Variants in CFLAR observed in about 807,000 individuals in gnomAD.
CFLAR encodes the protein CASP8 and FADD-like apoptosis regulator.
Under a neutral mutation model 51.1 loss-of-function variants are expected in CFLAR, and 14 were observed. That is an observed-to-expected ratio of 0.27 (90% CI 0.18 to 0.43). CFLAR has a LOEUF of 0.43. Ranked by LOEUF, CFLAR falls within the 20% of genes least tolerant of loss-of-function variation. The pLI, the probability that CFLAR is intolerant of heterozygous loss-of-function variation, is 1.00. For synonymous variants in CFLAR, 210 were observed against 211.6 expected (o/e 0.99, Z 0.06); for missense variants, 390 against 566.5 (o/e 0.69, Z 3.16).
In CFLAR at chr2:201,171,883, G is replaced by A. The variant is rs978830782; in HGVS notation, c.*7910G>A. On this transcript the variant is annotated 3_prime_UTR_variant, in exon 10 of 10. Transcript: ENST00000309955. ...TTGGTTCTGGTGATTGTATATTTCT[G>A]GACCATCTGGAACCCCAGCATATCA... The A allele has an allele frequency of 1.3e-5, 2 of 151,998 alleles. No individual in the cohort carries two copies. Among genetic ancestry groups the A allele is most frequent in the Non-Finnish European group, 2.9e-5 (2 of 68,020 alleles). The allele number at this position is 151,998 out of a possible 1,614,324, so 9.4% of individuals were successfully genotyped here.
At position 201,138,835 on chromosome 2, in the gene CFLAR, C is replaced by T; in HGVS notation, c.524-1522C>T. The T allele has an allele frequency of 1.4e-6, 1 of 739,230 alleles. No homozygotes were observed. The highest frequency in any genetic ancestry group is 2.5e-6 in the Non-Finnish European group (1 of 400,030). The allele number at this position is 739,230 out of a possible 1,614,324, so 45.8% of individuals were successfully genotyped here. On this transcript the variant is annotated intron_variant, in intron 4 of 9. Coordinates refer to ENST00000309955, the MANE Select transcript of CFLAR (RefSeq NM_003879.7). The surrounding 1 kb of genome is among the most constrained non-coding windows in gnomAD (Gnocchi z 4.0). Reference sequence around the variant, plus strand: ...GCCATCACGATGGCCAGGTCGGCCTCTGTCACAGTGTCCATGGGGGAGGAG... The same window carrying T: ...GCCATCACGATGGCCAGGTCGGCCTTTGTCACAGTGTCCATGGGGGAGGAG...
At chr2:201,149,393 G>T (rs1234933390) in intron 7 of CFLAR, 2 of 295,072 alleles carry the variant, frequency 6.8e-6, no homozygotes, top group Non-Finnish European at 1.3e-5. Flanking sequence ...AGAAGCAATA[G>T]AAGGGCTCCC....
rs771201426 is a variant in CFLAR, at chr2:201,173,396, ACAGGGTTT to A, written c.*9426_*9433del. ...CTAATTTTTTGTATTTTTAGTAGAG[ACAGGGTTT>A]CACCGTGTTAGCCAGGATGGTCTCT... On this transcript the variant is annotated 3_prime_UTR_variant, in exon 10 of 10. Coordinates refer to ENST00000309955, the MANE Select transcript of CFLAR (RefSeq NM_003879.7). 3.3e-5 allele frequency: 5 copies of A among 152,336 alleles called. No individual in the cohort carries two copies. Among genetic ancestry groups the A allele is most frequent in the Non-Finnish European group, 7.3e-5 (5 of 68,166 alleles). The allele number at this position is 152,336 out of a possible 1,614,324, so 9.4% of individuals were successfully genotyped here. A position where few individuals can be genotyped will look rare whatever the true frequency, so the allele number is the denominator to read the frequency against.
chr2:201,169,432 C>G lies in CFLAR; in HGVS notation c.*5459C>G, dbSNP rs1943875392. ...ATATGCAGAAAATTGAAACTGACCC[C>G]TTCCTTACACCTTATACAAAAATTA... is the stretch of plus-strand genomic sequence containing the variant. On this transcript the variant is annotated 3_prime_UTR_variant, in exon 10 of 10. Coordinates refer to ENST00000309955, the MANE Select transcript of CFLAR (RefSeq NM_003879.7). 1 of 152,158 alleles carries G rather than the reference C, an allele frequency of 6.6e-6. No individual in the cohort carries two copies. Among genetic ancestry groups the G allele is most frequent in the African/African-American group, 2.4e-5 (1 of 41,424 alleles). 9.4% of individuals were successfully genotyped at this position (152,158 alleles called of 1,614,324 possible). A position where few individuals can be genotyped will look rare whatever the true frequency, so the allele number is the denominator to read the frequency against.
rs1349979309 is a variant in CFLAR at position 201,169,263 on chromosome 2, C to T, written c.*5290C>T. The T allele has an allele frequency of 6.6e-6, 1 of 152,090 alleles. No individual in the cohort carries two copies. Among genetic ancestry groups the T allele is most frequent in the Non-Finnish European group, 1.5e-5 (1 of 68,012 alleles). 9.4% of individuals were successfully genotyped at this position (152,090 alleles called of 1,614,324 possible). On this transcript the variant is annotated 3_prime_UTR_variant, in exon 10 of 10. Coordinates refer to ENST00000309955, the MANE Select transcript of CFLAR (RefSeq NM_003879.7). ...GGCATGGTACTGGTACAAAAACAGA[C>T]ACATAGACCAATGGAACAGAATAGA... is the stretch of plus-strand genomic sequence containing the variant.
chr2:201,165,463 G>A lies in CFLAR; in HGVS notation c.*1490G>A, dbSNP rs868088143. 15 of 152,100 alleles carry A rather than the reference G, an allele frequency of 9.9e-5. No individual in the cohort carries two copies. Among genetic ancestry groups the A allele is most frequent in the African/African-American group, 3.6e-4 (15 of 41,484 alleles). 9.4% of individuals were successfully genotyped at this position (152,100 alleles called of 1,614,324 possible). On this transcript the variant is annotated 3_prime_UTR_variant, in exon 10 of 10. Transcript: ENST00000309955. ...TTTTTGTATTTTTAGTGGAGACAGG[G>A]TTTCCACCATGTTGGCCAGCGTGGT...
chr2:201,128,773 A>G (rs2048946165), intron 1 of CFLAR, among the ~76,000 whole-genome samples: 1 of 152,244 alleles, frequency 6.6e-6, no homozygotes, highest in Non-Finnish European at 1.5e-5. Context: ...GATAAAGAAC[A>G]CAAGAGGTGA....
chr2:201,117,722 A>G (rs541445560), intron 1 of CFLAR, among the ~76,000 whole-genome samples: 121 of 151,914 alleles, frequency 8.0e-4, no homozygotes, highest in African/African-American at 2.6e-3. Flanking sequence ...GTTTCGTTGA[A>G]CAAAAAACCT....
chr2:201,141,484 A>T (rs1938857936), intron 5 of CFLAR: 6 of 1,532,416 alleles, frequency 3.9e-6, no homozygotes, highest in Non-Finnish European at 2.6e-6. Flanking sequence ...AAATCGTTTC[A>T]TTTTCTAAAT....
At chr2:201,117,909 C>A (rs1009189039) in intron 1 of CFLAR, among the ~76,000 whole-genome samples, 1 of 152,174 alleles carries the variant, frequency 6.6e-6, no homozygotes, top group Admixed American at 6.5e-5. Flanking sequence ...GCATGCACCA[C>A]CATGCCCGGC....
chr2:201,119,180 T>G (rs1423685138), intron 1 of CFLAR: 1 of 152,278 alleles, frequency 6.6e-6, no homozygotes, highest in African/African-American at 2.4e-5. Context: ...GTTTATGGAC[T>G]CCAATGCCTC....
intron 8 of CFLAR, among the ~76,000 whole-genome samples, chr2:201,155,262 G>A (rs937479159): frequency 4.0e-5 from 6 of 151,780 alleles, no homozygotes; most frequent in Non-Finnish European, 8.8e-5. Context: ...GATTTTAAGA[G>A]GAAGTTTTTT....
Position 201,140,455 on chromosome 2 carries a change from A to G in CFLAR, c.606+16A>G. The G allele has an allele frequency of 6.4e-7, 1 of 1,569,926 alleles. No individual in the cohort carries two copies. Among genetic ancestry groups the G allele is most frequent in the Non-Finnish European group, 8.6e-7 (1 of 1,160,140 alleles). ...TAACTTCAGGGTGAGTCTGGAGAAA[A>G]CATATGGAATCCCAGCATGAAACCG... On this transcript the variant is annotated intron_variant, in intron 5 of 9. Transcript: ENST00000309955.
At chr2:201,161,419 TA>T (rs71022346) in intron 9 of CFLAR, among the ~76,000 whole-genome samples, 2,412 of 130,456 alleles carry the variant, frequency 0.018, 37 homozygotes, top group African/African-American at 0.023. Flanking sequence ...TATTTTTATT[TA>T]TTTTTTTTTT....
chr2:201,149,213 G>T, intron 7 of CFLAR, 161 bp downstream of exon 7: 1 of 554,874 alleles, frequency 1.8e-6, no homozygotes, highest in South Asian at 2.2e-5. Flanking sequence ...GAATAACAAA[G>T]AGAAAGATGT....
intron 5 of CFLAR, chr2:201,141,273 A>T: frequency 6.9e-7 from 1 of 1,439,654 alleles, no homozygotes; most frequent in African/African-American, 1.4e-5. Context: ...CTGACCTCCA[A>T]TTATTTTTCC....
intron 2 of CFLAR, among the ~76,000 whole-genome samples, chr2:201,132,454 T>C (rs567015003): frequency 5.3e-5 from 8 of 149,716 alleles, no homozygotes; most frequent in Non-Finnish European, 1.2e-4. Context: ...TATATATATA[T>C]AGTGTTAGCT....
At chr2:201,130,187 G>GGGTGGGGGGGGGGGGGGT in intron 2 of CFLAR, 41 bp downstream of exon 2, 1 of 292,394 alleles carries the variant, frequency 3.4e-6, no homozygotes, top group East Asian at 9.3e-5. Context: ...GGGTGGGAGG[G>GGGTGGGGGGGGGGGGGGT]AGTGAAGTGT....
rs1943968490 is a variant in CFLAR, at chr2:201,170,831, G to C, written c.*6858G>C. 1 of 152,120 alleles carries C rather than the reference G, an allele frequency of 6.6e-6. No homozygotes were observed. The highest frequency in any genetic ancestry group is 2.4e-5 in the African/African-American group (1 of 41,408). 9.4% of individuals were successfully genotyped at this position (152,120 alleles called of 1,614,324 possible). A position where few individuals can be genotyped will look rare whatever the true frequency, so the allele number is the denominator to read the frequency against. ...TTTCCTATATTATGAAATATCATTA[G>C]CTGAGCTTTTAGAATTGACTGCATG... is the stretch of plus-strand genomic sequence containing the variant. On this transcript the variant is annotated 3_prime_UTR_variant, in exon 10 of 10. Coordinates refer to ENST00000309955, the MANE Select transcript of CFLAR (RefSeq NM_003879.7).
Sources: gnomAD v4.1 joint callset for allele counts (sites outside exome capture counted in the v4.1 genomes callset) on GRCh38, gnomAD v4.1.1 for gene constraint, Gnocchi (gnomAD v3.1) non-coding constraint, MANE v1.5 for transcripts, NCBI Gene and HGNC (gene_info 2026-07-23, HGNC 2026-07-21) for gene names.